The following CUEDC1 variants were observed in gnomAD, a reference collection of about 807,000 sequenced individuals.
CUEDC1 encodes CUE domain-containing protein 1.
CUEDC1 carries 30 observed loss-of-function variants against 43.7 expected under a neutral mutation model. The ratio of observed to expected loss-of-function variants is 0.69; its 90% CI spans 0.51 to 0.93. The LOEUF (loss-of-function observed/expected upper bound fraction) is 0.93, where lower values mean the gene tolerates loss of function less well. CUEDC1 is among the 40% of genes least tolerant of loss of function. The pLI is 0.00. For missense variants in CUEDC1, 486 were observed against 549.0 expected, an observed-to-expected ratio of 0.89 and a Z score of 1.15; for synonymous variants, 223 against 223.6, an observed-to-expected ratio of 1.00 and a Z score of 0.02.
intron 1 of CUEDC1, among the ~76,000 whole-genome samples, chr17:57,916,498 TGG>T (rs2074642776): frequency 6.6e-6 from 1 of 152,162 alleles, no homozygotes; most frequent in Admixed American, 6.5e-5. Context: ...CCTGTTTCCA[TGG>T]AGATGCGACG....
intron 5 of CUEDC1, 28 bp downstream of exon 5, chr17:57,872,635 G>T: frequency 1.2e-6 from 2 of 1,612,294 alleles, no homozygotes; most frequent in South Asian, 1.1e-5. Flanking sequence ...TCTTCAGCCA[G>T]GGAGAAGTGG....
chr17:57,872,514 G>T, intron 5 of CUEDC1, 149 bp downstream of exon 5: 1 of 844,576 alleles, frequency 1.2e-6, no homozygotes, highest in Non-Finnish European at 1.8e-6. Context: ...AGGCTCCCAT[G>T]GGATAACTTG....
intron 3 of CUEDC1, among the ~76,000 whole-genome samples, chr17:57,878,852 A>G (rs1441527123): frequency 6.6e-6 from 1 of 152,044 alleles, no homozygotes; most frequent in African/African-American, 2.4e-5. Flanking sequence ...TTTTTAGTAG[A>G]GATGGGGTTT....
At chr17:57,946,806 C>T (rs1363747546) in intron 1 of CUEDC1, among the ~76,000 whole-genome samples, 2 of 152,122 alleles carry the variant, frequency 1.3e-5, no homozygotes, top group Non-Finnish European at 2.9e-5. Context: ...TCATACGCTC[C>T]CTCCTGCTCA....
intron 1 of CUEDC1, among the ~76,000 whole-genome samples, chr17:57,936,028 T>C (rs2074858530): frequency 6.6e-6 from 1 of 152,172 alleles, no homozygotes; most frequent in Non-Finnish European, 1.5e-5. Flanking sequence ...GAATGACTTA[T>C]TTATGTCATT....
At chr17:57,889,453 C>T (rs1224735411) in intron 1 of CUEDC1, among the ~76,000 whole-genome samples, 1 of 152,224 alleles carries the variant, frequency 6.6e-6, no homozygotes, top group African/African-American at 2.4e-5. Flanking sequence ...GGAGACACAG[C>T]AGCTCAAGCA....
chr17:57,913,694 G>C (rs968870031), intron 1 of CUEDC1, among the ~76,000 whole-genome samples: 1 of 152,072 alleles, frequency 6.6e-6, no homozygotes, highest in Non-Finnish European at 1.5e-5. Context: ...GGGATTTCTA[G>C]CGAGGAAATA....
chr17:57,887,090 G>T (rs1008033498), intron 1 of CUEDC1, among the ~76,000 whole-genome samples: 1 of 151,992 alleles, frequency 6.6e-6, no homozygotes, highest in Non-Finnish European at 1.5e-5. Flanking sequence ...CAAAGTGCTG[G>T]GATTACAGGC....
intron 1 of CUEDC1, among the ~76,000 whole-genome samples, chr17:57,902,777 C>T (rs2074487280): frequency 6.6e-6 from 1 of 152,232 alleles, no homozygotes; most frequent in Admixed American, 6.5e-5. Context: ...CCAGGTTGGG[C>T]ACAAACCCTA....
intron 1 of CUEDC1, among the ~76,000 whole-genome samples, chr17:57,910,406 A>T (rs966368999): frequency 4.6e-5 from 7 of 152,266 alleles, no homozygotes; most frequent in African/African-American, 1.7e-4. Context: ...ATACAAATTA[A>T]CATATATATG....
rs1312548580 is a variant in CUEDC1 at position 57,955,269 on chromosome 17, G to C, written c.-360C>G. The stretch of plus-strand genomic sequence containing the variant: ...CCGCTCCGCGCGGGCCGCAGGGGCC[G>C]GGCCGCGGGCCGGGCGGGGGAGGGG... On this transcript the variant is annotated 5_prime_UTR_variant, in exon 1 of 11. Coordinates refer to ENST00000577830, the MANE Select transcript of CUEDC1 (RefSeq NM_001271875.2). This position sits in a 1 kb window ranked among gnomAD's most constrained non-coding sequence, Gnocchi z 5.3. The C allele has an allele frequency of 6.8e-6, 1 of 146,458 alleles. No individual in the cohort carries two copies. The highest frequency in any genetic ancestry group is 1.5e-5 in the Non-Finnish European group (1 of 65,518). 9.1% of individuals were successfully genotyped at this position (146,458 alleles called of 1,614,324 possible).
At chr17:57,866,691 G>A (rs1250135797) in intron 9 of CUEDC1, 147 bp from the exon 10 acceptor site, 2 of 700,152 alleles carry the variant, frequency 2.9e-6, no homozygotes, top group East Asian at 2.7e-5. Flanking sequence ...GACGATGCAT[G>A]GGTCCAGGGA....
chr17:57,939,022 C>T (rs1379209422), intron 1 of CUEDC1, among the ~76,000 whole-genome samples: 3 of 122,406 alleles, frequency 2.5e-5, no homozygotes, highest in Non-Finnish European at 4.7e-5. Context: ...AGCAGGAGTG[C>T]AATGGCATGA....
At chr17:57,934,864 T>C (rs1161988459) in intron 1 of CUEDC1, among the ~76,000 whole-genome samples, 4 of 151,794 alleles carry the variant, frequency 2.6e-5, no homozygotes, top group Admixed American at 6.6e-5. Flanking sequence ...TGCCCCACCA[T>C]GCCCAGCTAA....
intron 1 of CUEDC1, among the ~76,000 whole-genome samples, chr17:57,917,943 T>G (rs796075544): frequency 5.9e-5 from 9 of 152,288 alleles, no homozygotes; most frequent in African/African-American, 2.2e-4. Context: ...GACTGCTCTG[T>G]GTAGTCACTC....
intron 1 of CUEDC1, among the ~76,000 whole-genome samples, chr17:57,939,164 A>T (rs1459934153): frequency 6.8e-6 from 1 of 147,196 alleles, no homozygotes; most frequent in African/African-American, 2.5e-5. Flanking sequence ...ACGGGCTTTC[A>T]CCTTGTTGGC....
At chr17:57,871,177 C>T in intron 6 of CUEDC1, 109 bp downstream of exon 6, 1 of 894,806 alleles carries the variant, frequency 1.1e-6, no homozygotes, top group Non-Finnish European at 1.9e-6. Flanking sequence ...AGGCCCCCTC[C>T]CACAATCTGT....
chr17:57,953,280 G>A (rs1393100023), intron 1 of CUEDC1, among the ~76,000 whole-genome samples: 3 of 152,250 alleles, frequency 2.0e-5, no homozygotes, highest in South Asian at 2.1e-4. Context: ...CTAGTCCAGT[G>A]CCCAGGGCCT....
intron 1 of CUEDC1, among the ~76,000 whole-genome samples, chr17:57,900,169 A>G (rs145900428): frequency 3.0e-4 from 46 of 152,308 alleles, no homozygotes; most frequent in African/African-American, 1.1e-3. Context: ...GAAGGGGGCA[A>G]GAGCTTTTAG....
Sources: allele counts gnomAD v4.1 joint callset (sites outside exome capture counted in the v4.1 genomes callset), GRCh38; gene constraint gnomAD v4.1.1; non-coding constraint Gnocchi (gnomAD v3.1); transcripts MANE v1.5; gene names NCBI Gene and HGNC (gene_info 2026-07-23, HGNC 2026-07-21).